FAM163B: variants seen among roughly 807,000 people sequenced by gnomAD.
FAM163B encodes family with sequence similarity 163 member B.
In FAM163B, 4 loss-of-function variants were observed where a neutral mutation model predicts 7.6. The observed-to-expected ratio is 0.52, with a 90% CI of 0.26 to 1.20. The LOEUF (loss-of-function observed/expected upper bound fraction) is 1.20, where lower values mean the gene tolerates loss of function less well. Ranked by LOEUF, FAM163B falls within the 50% of genes most tolerant of loss-of-function variation. The pLI is 0.14. For synonymous variants in FAM163B, 120 were observed against 111.6 expected, an observed-to-expected ratio of 1.07 and a Z score of -0.47; for missense variants, 250 against 243.0, an observed-to-expected ratio of 1.03 and a Z score of -0.19.
intron 1 of FAM163B, among the ~76,000 whole-genome samples, chr9:133,582,160 G>A (rs1424633510): frequency 6.7e-6 from 1 of 148,412 alleles, no homozygotes; most frequent in Non-Finnish European, 1.5e-5. Flanking sequence ...CCGAGAGGAC[G>A]GAGAACAGGC....
At position 133,600,900 on chromosome 9, in the gene FAM163B, C is replaced by T. The variant is rs1831720707; in HGVS notation, c.-24+8177G>A. 6.6e-6 allele frequency among the ~76,000 whole-genome samples: 1 copy of T among 152,212 alleles called. No homozygotes were observed. The highest frequency in any genetic ancestry group is 2.1e-4 in the South Asian group (1 of 4,830). ...AATTCATCCAAGGCCATTAACTCAA[C>T]TCTCCCTTGGTAGGGGGTAGGGGGG... On this transcript the variant is annotated intron_variant, in intron 1 of 2. Coordinates refer to ENST00000673969, the MANE Select transcript of FAM163B (RefSeq NM_001080515.3). This position sits in a 1 kb window ranked among gnomAD's most constrained non-coding sequence, Gnocchi z 4.9.
At position 133,600,423 on chromosome 9, in the gene FAM163B, T is replaced by C. The variant is rs1831706201; in HGVS notation, c.-24+8654A>G. On this transcript the variant is annotated intron_variant, in intron 1 of 2. Transcript: ENST00000673969. The surrounding 1 kb of genome is among the most constrained non-coding windows in gnomAD (Gnocchi z 4.9). The stretch of plus-strand genomic sequence containing the variant: ...AGGGGCGTGTGCCACAGTACCCCTG[T>C]TTCCCTGTGGTGCCACCCACTCTCA... Among the ~76,000 whole-genome samples the C allele has an allele frequency of 6.6e-6, 1 of 152,148 alleles. No individual in the cohort carries two copies. Among genetic ancestry groups the C allele is most frequent in the South Asian group, 2.1e-4 (1 of 4,826 alleles).
At chr9:133,603,838 C>G (rs758955379) in intron 1 of FAM163B, among the ~76,000 whole-genome samples, 5 of 152,182 alleles carry the variant, frequency 3.3e-5, no homozygotes, top group Non-Finnish European at 7.3e-5. Flanking sequence ...TATTTCTTTT[C>G]TTTTCTTTTT....
intron 1 of FAM163B, among the ~76,000 whole-genome samples, chr9:133,585,698 C>T (rs11521994): frequency 0.19 from 29,616 of 152,250 alleles, 3,035 homozygotes; most frequent in Non-Finnish European, 0.22. Context: ...GACGTCCCGA[C>T]GGCAGTGCAG....
intron 2 of FAM163B, among the ~76,000 whole-genome samples, chr9:133,579,675 T>C (rs1016453168): frequency 1.6e-4 from 24 of 152,328 alleles, no homozygotes; most frequent in Non-Finnish European, 2.4e-4. Flanking sequence ...GTGACTGTTA[T>C]CTCCATTTTG....
intron 1 of FAM163B, among the ~76,000 whole-genome samples, chr9:133,584,056 C>A (rs1001333703): frequency 6.6e-6 from 1 of 152,128 alleles, no homozygotes. Flanking sequence ...CATCCCCCCC[C>A]CGGACCTACC....
At chr9:133,587,979 C>A (rs1831466924) in intron 1 of FAM163B, among the ~76,000 whole-genome samples, 1 of 137,482 alleles carries the variant, frequency 7.3e-6, no homozygotes. Context: ...GGGGGGCGAG[C>A]CTGGGAGGGG....
In FAM163B at chr9:133,579,212, A is replaced by G. The variant is rs937490761; in HGVS notation, c.311T>C (p.Leu104Pro). Residue 104 changes from leucine (L) to proline (P), a missense_variant, in exon 3 of 3, where the codon CTG (leucine) becomes CCG (proline). Physicochemically the swap from Leu to Pro is moderately conservative, Grantham distance 98 (BLOSUM62 -3). Transcript: ENST00000673969. ...CSHCEPPTFF[L>P]QEPPEEEEDV... ...CTCTTCCTCCTCCGGCGGCTCCTGC[A>G]GGAAGAAGGTGGGGGGCTCGCAGTG... 1 of 1,612,066 alleles carries G rather than the reference A, an allele frequency of 6.2e-7. No individual in the cohort carries two copies. Among genetic ancestry groups the G allele is most frequent in the Non-Finnish European group, 8.5e-7 (1 of 1,179,772 alleles).
chr9:133,599,842 CGAGT>C (rs1325759527), intron 1 of FAM163B, among the ~76,000 whole-genome samples: 2 of 144,692 alleles, frequency 1.4e-5, no homozygotes, highest in Non-Finnish European at 3.0e-5. Context: ...TGTCTGTGTA[CGAGT>C]GTGTGTGCAT....
intron 1 of FAM163B, among the ~76,000 whole-genome samples, chr9:133,591,539 C>T (rs578209683): frequency 6.6e-6 from 1 of 152,326 alleles, no homozygotes; most frequent in Non-Finnish European, 1.5e-5. Context: ...CCCTGGTGCC[C>T]CCATAGCACC....
chr9:133,580,194 C>G lies in FAM163B; in HGVS notation c.30G>C (p.Gly10=). The part of the protein sequence containing the change: MTAGTVVIT[G]GILATVILLC... ...GCAAAATCACAGTCGCCAAGATGCC[C>G]CCGGTGATGACCACGGTCCCGGCTG... is the stretch of plus-strand genomic sequence containing the variant. The change falls in exon 2 of 3, where the codon GGG becomes GGC. Residue 10 remains glycine (G), a synonymous_variant. Coordinates refer to ENST00000673969, the MANE Select transcript of FAM163B (RefSeq NM_001080515.3). 6.2e-7 allele frequency: 1 copy of G among 1,613,600 alleles called. No homozygotes were observed. The highest frequency in any genetic ancestry group is 8.5e-7 in the Non-Finnish European group (1 of 1,180,030).
chr9:133,583,390 C>A (rs1831384294), intron 1 of FAM163B, among the ~76,000 whole-genome samples: 2 of 152,154 alleles, frequency 1.3e-5, no homozygotes, highest in Admixed American at 1.3e-4. Context: ...ATACAGGACA[C>A]CCAGGCTAAA....
rs899742763 is a variant in FAM163B, at chr9:133,577,113, T to C, written c.*1909A>G. ...GATGTTTTATTGGCTTTCACTTTCC[T>C]CAGGGAGCCAGCGGCTCCCCCAGCA... On this transcript the variant is annotated 3_prime_UTR_variant, in exon 3 of 3. Coordinates refer to ENST00000673969, the MANE Select transcript of FAM163B (RefSeq NM_001080515.3). Among the ~76,000 whole-genome samples the C allele has an allele frequency of 6.6e-6, 1 of 152,182 alleles. No individual in the cohort carries two copies. Among genetic ancestry groups the C allele is most frequent in the Non-Finnish European group, 1.5e-5 (1 of 68,038 alleles).
chr9:133,590,806 T>G (rs1831541621), intron 1 of FAM163B, among the ~76,000 whole-genome samples: 1 of 152,098 alleles, frequency 6.6e-6, no homozygotes, highest in South Asian at 2.1e-4. Context: ...CAAGGTCTCC[T>G]CTGCCTGAGG....
rs1315131399 is a variant in FAM163B, at chr9:133,577,498, T to C, written c.*1524A>G. The stretch of plus-strand genomic sequence containing the variant: ...TCGTCAGCCGTTCCCCCGACGCCTC[T>C]GGAAACTGGCCATTTCGTTTTTGAG... On this transcript the variant is annotated 3_prime_UTR_variant, in exon 3 of 3. Transcript: ENST00000673969. Among the ~76,000 whole-genome samples the C allele has an allele frequency of 6.6e-6, 1 of 152,258 alleles. No homozygotes were observed. The highest frequency in any genetic ancestry group is 6.5e-5 in the Admixed American group (1 of 15,288).
intron 1 of FAM163B, among the ~76,000 whole-genome samples, chr9:133,604,430 C>A (rs1171994341): frequency 6.6e-6 from 1 of 151,790 alleles, no homozygotes; most frequent in African/African-American, 2.4e-5. Flanking sequence ...CTGACACAGC[C>A]GAGCACTGGG....
At position 133,577,636 on chromosome 9, in the gene FAM163B, G is replaced by A. The variant is rs375948627; in HGVS notation, c.*1386C>T. Among the ~76,000 whole-genome samples the A allele has an allele frequency of 2.0e-4, 30 of 152,338 alleles. No homozygotes were observed. Among genetic ancestry groups the A allele is most frequent in the South Asian group, 8.3e-4 (4 of 4,832 alleles). ...TCCCTGGGCAGAGAGGGGCTGCCCC[G>A]GCCCTGGGGCTCCATGGCAGGGCAC... On this transcript the variant is annotated 3_prime_UTR_variant, in exon 3 of 3. Coordinates refer to ENST00000673969, the MANE Select transcript of FAM163B (RefSeq NM_001080515.3).
At chr9:133,584,053 C>G (rs1831396120) in intron 1 of FAM163B, among the ~76,000 whole-genome samples, 1 of 152,128 alleles carries the variant, frequency 6.6e-6, no homozygotes. Flanking sequence ...GCCCATCCCC[C>G]CCCCGGACCT....
chr9:133,581,876 G>A (rs890982333), intron 1 of FAM163B, among the ~76,000 whole-genome samples: 4 of 152,172 alleles, frequency 2.6e-5, no homozygotes, highest in Non-Finnish European at 5.9e-5. Context: ...GCCAGATTCC[G>A]GGGGGTCTCC....
Sources: allele counts gnomAD v4.1 joint callset (sites outside exome capture counted in the v4.1 genomes callset), GRCh38; gene constraint gnomAD v4.1.1; non-coding constraint Gnocchi (gnomAD v3.1); transcripts MANE v1.5; gene names NCBI Gene and HGNC (gene_info 2026-07-23, HGNC 2026-07-21).